Variants in TRIM6 observed in about 807,000 individuals in gnomAD.
TRIM6 encodes the protein tripartite motif containing 6.
TRIM6 carries 43 observed loss-of-function variants against 51.2 expected under a neutral mutation model. The observed-to-expected ratio is 0.84, with a 90% CI of 0.66 to 1.08. The LOEUF is 1.08. TRIM6 is among the 50% of genes least tolerant of loss of function. TRIM6 has a pLI of 0.00. For missense variants in TRIM6, 669 were observed against 619.0 expected (o/e 1.08, Z -0.86); for synonymous variants, 215 against 232.4 (o/e 0.93, Z 0.68).
At chr11:5,602,166 T>C (rs902263658) in intron 1 of TRIM6, among the ~76,000 whole-genome samples, 4 of 152,102 alleles carry the variant, frequency 2.6e-5, no homozygotes, top group Non-Finnish European at 4.4e-5. Flanking sequence ...ATAGACCGGG[T>C]GCAGTGGCTC....
intron 1 of TRIM6, among the ~76,000 whole-genome samples, chr11:5,599,188 A>T (rs1847665499): frequency 6.6e-6 from 1 of 152,240 alleles, no homozygotes; most frequent in Non-Finnish European, 1.5e-5. Context: ...TTGTTCATTT[A>T]CCAGTTAGTG....
chr11:5,607,067 G>GCA lies in TRIM6; in HGVS notation c.835-1305_835-1304insCA, dbSNP rs1564868420. On this transcript the variant is annotated intron_variant, in intron 4 of 7. Transcript: ENST00000380097. ...AAACACAAAAAAATTAGCCGGGCGT[G>GCA]GTGGCGGGCGCCTGTAGTCCCAGCT... 5.3e-5 allele frequency among the ~76,000 whole-genome samples: 8 copies of GCA among 152,208 alleles called. No individual in the cohort carries two copies. In the South Asian group the frequency reaches 6.2e-4, roughly 12 times the overall value.
intron 4 of TRIM6, among the ~76,000 whole-genome samples, chr11:5,605,906 T>C (rs1284540553): frequency 1.3e-5 from 2 of 152,220 alleles, no homozygotes; most frequent in Non-Finnish European, 2.9e-5. Context: ...CTTTGCTGCG[T>C]GGGGTTCTCC....
rs752714411 is a variant in TRIM6 at position 5,611,064 on chromosome 11, C to T, written c.1273C>T (p.Pro425Ser). ...QNHSAYSRYQ[P>S]QSGYWVIGLQ... is the part of the protein sequence containing the mutation. ...TCACAGTGCTTACTCCAGGTATCAG[C>T]CTCAGAGTGGATACTGGGTGATTGG... Residue 425 changes from proline to serine, a missense_variant, in exon 8 of 8, where the codon CCT (proline) becomes TCT (serine). By Grantham distance (74) the Pro-to-Ser change is moderately conservative (BLOSUM62 -1). Transcript: ENST00000380097. 3.1e-6 allele frequency: 5 copies of T among 1,614,154 alleles called. No homozygotes were observed. The Admixed American group carries it at 6.7e-5, about 22-fold the overall frequency.
At chr11:5,608,898 TG>T (rs1848394705) in intron 5 of TRIM6, among the ~76,000 whole-genome samples, 1 of 134,752 alleles carries the variant, frequency 7.4e-6, no homozygotes, top group Non-Finnish European at 1.5e-5. Context: ...TCGCCCAGGC[TG>T]GAGTGCAGTG....
At chr11:5,605,589 A>G (rs1848158271) in intron 4 of TRIM6, 22 bp downstream of exon 4, 6 of 1,592,910 alleles carry the variant, frequency 3.8e-6, no homozygotes, top group Non-Finnish European at 4.3e-6. Context: ...GAAGGAGCCC[A>G]GATCTGAGAG....
At chr11:5,606,992 AGG>A (rs1250702499) in intron 4 of TRIM6, among the ~76,000 whole-genome samples, 10 of 151,456 alleles carry the variant, frequency 6.6e-5, no homozygotes, top group South Asian at 2.1e-4. Flanking sequence ...TCATGAGGTC[AGG>A]AGATTGAGAC....
intron 1 of TRIM6, among the ~76,000 whole-genome samples, chr11:5,602,249 G>T (rs960649959): frequency 6.6e-6 from 1 of 151,584 alleles, no homozygotes. Context: ...GACCATCCTG[G>T]CTAACACAGT....
chr11:5,610,845 A>G lies in TRIM6; in HGVS notation c.1054A>G (p.Arg352Gly), dbSNP rs74051012. ...CCTGGCTAAAAACCGGAGACAAGTG[A>G]GGTTTGTGGGAGCTAAAGTATCTGG... is the stretch of plus-strand genomic sequence containing the variant. ...LVLAKNRRQV[R>G]FVGAKVSGPS... The change falls in exon 8 of 8, where the codon AGG (arginine) becomes GGG (glycine). Residue 352 changes from arginine (R) to glycine (G), a missense_variant. Arg to Gly is a moderately radical substitution (Grantham distance 125, BLOSUM62 -2). Coordinates refer to ENST00000380097, the MANE Select transcript of TRIM6 (RefSeq NM_001003818.3). 844 of 1,614,186 alleles carry G rather than the reference A, an allele frequency of 5.2e-4. 2 individuals carry two copies. The African/African-American group carries it at 0.011, about 20-fold the overall frequency.
Position 5,608,413 on chromosome 11 carries a change from T to C in TRIM6, c.857+19T>C. On this transcript the variant is annotated intron_variant, in intron 5 of 7. Transcript: ENST00000380097. Reference sequence around the variant, plus strand: ...CAGAAAGGTATGTGTAAGGAGAACATGAGGTAGTTCCCCTGGACTGACAAA... The same window carrying C: ...CAGAAAGGTATGTGTAAGGAGAACACGAGGTAGTTCCCCTGGACTGACAAA... 1.2e-6 allele frequency: 2 copies of C among 1,613,368 alleles called. No homozygotes were observed. Among genetic ancestry groups the C allele is most frequent in the Non-Finnish European group, 1.7e-6 (2 of 1,179,640 alleles).
Position 5,610,891 on chromosome 11 carries a change from A to G in TRIM6, c.1100A>G (p.His367Arg), listed in dbSNP as rs150778640. The G allele has an allele frequency of 4.8e-3, 7,767 of 1,614,212 alleles. 49 individuals are homozygous for G. The highest frequency in any genetic ancestry group is 0.01 in the South Asian group (945 of 91,082). Reference protein sequence around the residue: ...KVSGPSCLEKHYDCSVLGSQH... With the variant: ...KVSGPSCLEKRYDCSVLGSQH... ...TCTGGACCTTCCTGTCTGGAAAAGC[A>G]TTATGACTGTAGTGTCCTGGGCTCC... is the stretch of plus-strand genomic sequence containing the variant. The change falls in exon 8 of 8, where the codon CAT becomes CGT. Residue 367 changes from histidine (H) to arginine (R), a missense_variant. His to Arg is a conservative substitution (Grantham distance 29). Coordinates refer to ENST00000380097, the MANE Select transcript of TRIM6 (RefSeq NM_001003818.3).
In TRIM6 at chr11:5,603,362, T is replaced by C. The variant is rs376362041; in HGVS notation, c.134T>C (p.Ile45Thr). Residue 45 changes from isoleucine (I) to threonine (T), a missense_variant, in exon 2 of 8, where the codon ATC becomes ACC. Transcript: ENST00000380097. ...VDIREEVTCPICLELLTEPLS... is the reference protein window; with the variant it reads ...VDIREEVTCPTCLELLTEPLS... ...ATACGAGAAGAGGTGACCTGCCCTATCTGCCTGGAGCTCCTAACAGAACCC... is the reference window on the plus strand; with the variant it reads ...ATACGAGAAGAGGTGACCTGCCCTACCTGCCTGGAGCTCCTAACAGAACCC... 5.0e-6 allele frequency: 8 copies of C among 1,614,008 alleles called. No homozygotes were observed. Among genetic ancestry groups the C allele is most frequent in the Non-Finnish European group, 6.8e-6 (8 of 1,180,032 alleles).
At position 5,611,417 on chromosome 11, in the gene TRIM6, C is replaced by T. The variant is rs1590124062; in HGVS notation, c.*75C>T. 3.3e-6 allele frequency: 4 copies of T among 1,204,132 alleles called. No homozygotes were observed. The East Asian group carries it at 9.4e-5, about 28-fold the overall frequency. The allele number at this position is 1,204,132 out of a possible 1,614,324, so 74.6% of individuals were successfully genotyped here. ...GCATGTGATTCTCCCTTCTGATCTT[C>T]TGTTTTTCTGTGTTCTCAATTCTTT... On this transcript the variant is annotated 3_prime_UTR_variant, in exon 8 of 8. Transcript: ENST00000380097.
intron 1 of TRIM6, among the ~76,000 whole-genome samples, chr11:5,597,712 G>C (rs1847560067): frequency 6.6e-6 from 1 of 152,112 alleles, no homozygotes; most frequent in Admixed American, 6.6e-5. Context: ...CCCCTGCTGA[G>C]TCACTGATTT....
chr11:5,603,436 A>T lies in TRIM6; in HGVS notation c.208A>T (p.Asn70Tyr). The T allele has an allele frequency of 6.2e-7, 1 of 1,614,028 alleles. No homozygotes were observed. Among genetic ancestry groups the T allele is most frequent in the Non-Finnish European group, 8.5e-7 (1 of 1,180,008 alleles). ...CTTCTGCCAAGCCTGCATCACACCA[A>T]ATGGCAGGGAATCAGTGATTGGTCA... ...HSFCQACITP[N>Y]GRESVIGQEG... The change falls in exon 2 of 8, where the codon AAT becomes TAT. Residue 70 changes from asparagine to tyrosine, a missense_variant. Transcript: ENST00000380097.
chr11:5,604,106 G>A (rs985368693), intron 2 of TRIM6, among the ~76,000 whole-genome samples: 14 of 152,126 alleles, frequency 9.2e-5, no homozygotes, highest in Non-Finnish European at 1.3e-4. Context: ...AGCAGTTCTC[G>A]TGCCTGGCCT....
In TRIM6 at chr11:5,596,741, G is replaced by C. The variant is rs1248036806; in HGVS notation, c.-157G>C. ...AGGGATCCCCTGCCTTTCTCGGAAC[G>C]GAACGGAGCAGAGTCGTGCGTGGTT... On this transcript the variant is annotated 5_prime_UTR_variant, in exon 1 of 8. Coordinates refer to ENST00000380097, the MANE Select transcript of TRIM6 (RefSeq NM_001003818.3). 3 of 1,157,974 alleles carry C rather than the reference G, an allele frequency of 2.6e-6. No individual in the cohort carries two copies. The highest frequency in any genetic ancestry group is 2.2e-5 in the Admixed American group (1 of 46,130). 71.7% of individuals were successfully genotyped at this position (1,157,974 alleles called of 1,614,324 possible).
chr11:5,612,844 C>T lies in TRIM6; in HGVS notation c.*1502C>T, dbSNP rs1202368729. On this transcript the variant is annotated 3_prime_UTR_variant, in exon 8 of 8. Transcript: ENST00000380097. The stretch of plus-strand genomic sequence containing the variant: ...TAAAATATATACCAGATTTCAAATA[C>T]CTACTTCAAAAAATAATGTAAAATA... 1.3e-5 allele frequency: 2 copies of T among 152,124 alleles called. No homozygotes were observed. The highest frequency in any genetic ancestry group is 2.9e-5 in the Non-Finnish European group (2 of 68,034). The allele number at this position is 152,124 out of a possible 1,614,324, so 9.4% of individuals were successfully genotyped here.
Position 5,611,359 on chromosome 11 carries a change from A to C in TRIM6, c.*17A>C. 6.3e-7 allele frequency: 1 copy of C among 1,591,380 alleles called. No individual in the cohort carries two copies. Among genetic ancestry groups the C allele is most frequent in the East Asian group, 2.2e-5 (1 of 44,684 alleles). The stretch of plus-strand genomic sequence containing the variant: ...AGCTCTTGAATATTCTTCTGTTCCC[A>C]CCCACTTCTGATAAGTACCCTGAGG... On this transcript the variant is annotated 3_prime_UTR_variant, in exon 8 of 8. Transcript: ENST00000380097.
Sources: gnomAD v4.1 joint callset for allele counts (sites outside exome capture counted in the v4.1 genomes callset) on GRCh38, gnomAD v4.1.1 for gene constraint, MANE v1.5 for transcripts, NCBI Gene and HGNC (gene_info 2026-07-23, HGNC 2026-07-21) for gene names.